The following CEP83 variants were observed in gnomAD, a reference collection of about 807,000 sequenced individuals.
CEP83 encodes the protein centrosomal protein 83.
CEP83 carries 70 observed loss-of-function variants against 101.9 expected under a neutral mutation model. The observed-to-expected ratio is 0.69, with a 90% CI of 0.57 to 0.84. The LOEUF is 0.84. Among genes scored for constraint, CEP83 ranks in the 40% least tolerant of loss-of-function variants. The pLI is 0.00. For missense variants in CEP83, 715 were observed against 787.2 expected, an observed-to-expected ratio of 0.91 and a Z score of 1.10; for synonymous variants, 264 against 267.9, an observed-to-expected ratio of 0.99 and a Z score of 0.14.
intron 14 of CEP83, among the ~76,000 whole-genome samples, chr12:94,320,170 AT>A (rs1180267254): frequency 6.6e-6 from 1 of 151,920 alleles, no homozygotes; most frequent in African/African-American, 2.4e-5. Context: ...CAACCCTGGC[AT>A]TTTTCTGATT....
the CEP83 span, among the ~76,000 whole-genome samples, chr12:94,285,469 CTG>C: frequency 4.6e-5 from 7 of 152,172 alleles, no homozygotes; most frequent in Non-Finnish European, 8.8e-5. Flanking sequence ...GCAGAGAAAG[CTG>C]CAGGCTAGCA....
chr12:94,412,465 A>G lies in CEP83; in HGVS notation c.26T>C (p.Met9Thr). 1 of 1,612,752 alleles carries G rather than the reference A, an allele frequency of 6.2e-7. No homozygotes were observed. Among genetic ancestry groups the G allele is most frequent in the African/African-American group, 1.3e-5 (1 of 74,952 alleles). ...AGGAAAATTATTGGGAAAAGTGTCC[A>G]TATCGGTAAATGTGCTGACAACCAT... MVVSTFTD[M>T]DTFPNNFPPG... Residue 9 changes from methionine (M) to threonine (T), a missense_variant, in exon 3 of 17, where the codon ATG becomes ACG. By Grantham distance (81) the Met-to-Thr change is moderately conservative (BLOSUM62 -1). Coordinates refer to ENST00000397809, the MANE Select transcript of CEP83 (RefSeq NM_016122.3).
chr12:94,388,032 A>G (rs1593615249), intron 6 of CEP83, among the ~76,000 whole-genome samples: 1 of 152,372 alleles, frequency 6.6e-6, no homozygotes, highest in East Asian at 1.9e-4. Context: ...GAGATTTCTC[A>G]AATAACTAAA....
At chr12:94,376,745 A>ATTTT (rs1321560351) in intron 7 of CEP83, among the ~76,000 whole-genome samples, 3 of 113,270 alleles carry the variant, frequency 2.6e-5, no homozygotes, top group Non-Finnish European at 3.9e-5. Context: ...ATATATATAT[A>ATTTT]TATTTTTTTT....
At chr12:94,452,084 A>T (rs540849321) in intron 1 of CEP83, among the ~76,000 whole-genome samples, 1 of 152,344 alleles carries the variant, frequency 6.6e-6, no homozygotes, top group African/African-American at 2.4e-5. Flanking sequence ...TAAAGAAGCC[A>T]GATGCAAAAG....
chr12:94,446,432 G>A (rs77447753), intron 1 of CEP83, among the ~76,000 whole-genome samples: 4 of 152,050 alleles, frequency 2.6e-5, no homozygotes, highest in South Asian at 2.1e-4. Context: ...AGTGACGGCC[G>A]GGCGTGGTGG....
In CEP83 at chr12:94,346,202, A is replaced by T. The variant is rs1303148982; in HGVS notation, c.1344-10538T>A. Among the ~76,000 whole-genome samples the T allele has an allele frequency of 2.0e-5, 3 of 152,042 alleles. No homozygotes were observed. The East Asian group carries it at 5.8e-4, about 29-fold the overall frequency. ...GTAGCTGGGATTACAGGCACCTGCC[A>T]CCACGCCCAACTAATTTTTTTTGTA... On this transcript the variant is annotated intron_variant, in intron 11 of 16. Coordinates refer to ENST00000397809, the MANE Select transcript of CEP83 (RefSeq NM_016122.3).
Position 94,398,841 on chromosome 12 carries a change from C to T in CEP83, c.549+2009G>A, listed in dbSNP as rs765498664. Among the ~76,000 whole-genome samples the T allele has an allele frequency of 8.5e-5, 13 of 152,192 alleles. No individual in the cohort carries two copies. In the East Asian group the frequency reaches 1.7e-3, roughly 20 times the overall value. On this transcript the variant is annotated intron_variant, in intron 6 of 16. Coordinates refer to ENST00000397809, the MANE Select transcript of CEP83 (RefSeq NM_016122.3). ...GCATTCCTGGGGGGAGGTCTATAAA[C>T]GGCTGCTCTGGGAGTGTCTGTCTTA... is the stretch of plus-strand genomic sequence containing the variant.
At chr12:94,305,754 GCAGCATTGAAACTTTCCC>G (rs1243442116), downstream of CEP83, 1 of 153,072 alleles carries the variant, frequency 6.5e-6, no homozygotes, top group African/African-American at 2.4e-5. Flanking sequence ...TCGAGGATTT[GCAGCATTGAAACTTTCCC>G]CAGTAGTTCT....
intron 4 of CEP83, among the ~76,000 whole-genome samples, chr12:94,407,538 C>T (rs995506127): frequency 7.2e-5 from 11 of 152,162 alleles, no homozygotes; most frequent in African/African-American, 2.7e-4. Flanking sequence ...TGGTGTGCAC[C>T]TCACCACTGG....
chr12:94,294,895 A>G, the CEP83 span, among the ~76,000 whole-genome samples: 3 of 152,312 alleles, frequency 2.0e-5, no homozygotes, highest in East Asian at 5.8e-4. Flanking sequence ...AGTACAGACA[A>G]TCATCACAGA....
At chr12:94,416,780 A>G (rs1236503215) in intron 2 of CEP83, among the ~76,000 whole-genome samples, 3 of 151,858 alleles carry the variant, frequency 2.0e-5, no homozygotes, top group African/African-American at 7.3e-5. Context: ...GAAAACCTAA[A>G]CTTTCACCCC....
In CEP83 at chr12:94,312,917, T is replaced by C; in HGVS notation, c.1808A>G (p.Asn603Ser). ...GATACACATACAAACACATTACCTA[T>C]TTAAGACCTGATTTTCTGTTTCCAA... Reference protein sequence around the residue: ...EELETENQVLNRQNVPFEDYT... With the variant: ...EELETENQVLSRQNVPFEDYT... The change falls in exon 15 of 17, where the codon AAT becomes AGT. Residue 603 changes from asparagine to serine, a missense_variant. By Grantham distance (46) the Asn-to-Ser change is conservative. Coordinates refer to ENST00000397809, the MANE Select transcript of CEP83 (RefSeq NM_016122.3). The C allele has an allele frequency of 6.5e-7, 1 of 1,530,090 alleles. No homozygotes were observed. The highest frequency in any genetic ancestry group is 9.0e-7 in the Non-Finnish European group (1 of 1,109,214). 94.8% of individuals were successfully genotyped at this position (1,530,090 alleles called of 1,614,324 possible). A position where few individuals can be genotyped will look rare whatever the true frequency, so the allele number is the denominator to read the frequency against.
At chr12:94,424,208 G>A (rs1045658836) in intron 2 of CEP83, 1 of 1,609,894 alleles carries the variant, frequency 6.2e-7, no homozygotes, top group African/African-American at 1.3e-5. Flanking sequence ...AAGAGCTGTG[G>A]TGGGGTCATA....
chr12:94,396,032 C>T (rs2062868055), intron 6 of CEP83, among the ~76,000 whole-genome samples: 1 of 152,120 alleles, frequency 6.6e-6, no homozygotes, highest in African/African-American at 2.4e-5. Flanking sequence ...TCGTCCCTCC[C>T]TCTCTCCTGA....
At chr12:94,454,660 G>T (rs150236610) in intron 1 of CEP83, among the ~76,000 whole-genome samples, 1 of 152,184 alleles carries the variant, frequency 6.6e-6, no homozygotes, top group African/African-American at 2.4e-5. Flanking sequence ...TTTGCTCTTC[G>T]CAATAAATCT....
At chr12:94,456,185 A>T (rs1218616285) in intron 1 of CEP83, among the ~76,000 whole-genome samples, 1 of 152,046 alleles carries the variant, frequency 6.6e-6, no homozygotes. Flanking sequence ...AATTGACCAA[A>T]CTCCCCAAGC....
the CEP83 span, among the ~76,000 whole-genome samples, chr12:94,269,965 C>A: frequency 6.6e-6 from 1 of 152,200 alleles, no homozygotes; most frequent in Non-Finnish European, 1.5e-5. Context: ...TCTTCATACA[C>A]TTTCTTCTCA....
intron 1 of CEP83, among the ~76,000 whole-genome samples, chr12:94,436,935 A>G (rs1242845075): frequency 6.6e-6 from 1 of 152,142 alleles, no homozygotes; most frequent in Non-Finnish European, 1.5e-5. Flanking sequence ...AAAAGACCCA[A>G]CATAAGAATA....
Sources: allele counts gnomAD v4.1 joint callset (sites outside exome capture counted in the v4.1 genomes callset), GRCh38; gene constraint gnomAD v4.1.1; transcripts MANE v1.5; gene names NCBI Gene and HGNC (gene_info 2026-07-23, HGNC 2026-07-21).